Variants in AKT3 observed in about 807,000 individuals in gnomAD.
The protein encoded by AKT3 is AKT serine/threonine kinase 3, also known as RAC-gamma serine/threonine-protein kinase.
A neutral mutation model predicts 65.3 loss-of-function variants in AKT3; 15 were observed. The observed-to-expected ratio is 0.23, with a 90% CI of 0.15 to 0.35. AKT3 has a LOEUF of 0.35. AKT3 is among the 10% of genes least tolerant of loss of function. AKT3 has a pLI of 1.00. For missense variants in AKT3, 243 were observed against 576.5 expected (o/e 0.42, Z 5.92); for synonymous variants, 206 against 183.8 (o/e 1.12, Z -0.98).
chr1:243,539,907 C>T (rs1672195915), intron 12 of AKT3, among the ~76,000 whole-genome samples: 1 of 152,134 alleles, frequency 6.6e-6, no homozygotes, highest in South Asian at 2.1e-4. Context: ...CAGATAACCA[C>T]AACAGCCCTG....
intron 2 of AKT3, among the ~76,000 whole-genome samples, chr1:243,785,756 A>C (rs989948762): frequency 1.3e-5 from 2 of 152,208 alleles, no homozygotes; most frequent in Admixed American, 1.3e-4. Context: ...CACAGCCATC[A>C]AATTCCTGGA....
chr1:243,653,400 T>G (rs920143690), intron 4 of AKT3, among the ~76,000 whole-genome samples: 2 of 152,154 alleles, frequency 1.3e-5, no homozygotes, highest in African/African-American at 4.8e-5. Context: ...GATTCACAGC[T>G]GAATTCTACC....
chr1:243,686,938 T>C (rs985590437), intron 3 of AKT3, among the ~76,000 whole-genome samples: 8 of 151,772 alleles, frequency 5.3e-5, no homozygotes, highest in African/African-American at 7.3e-5. Flanking sequence ...GTTCTGGGAT[T>C]ACAGGCGTGA....
At chr1:243,773,480 T>A (rs1690329380) in intron 2 of AKT3, among the ~76,000 whole-genome samples, 3 of 151,992 alleles carry the variant, frequency 2.0e-5, no homozygotes. Context: ...CTTATAAAAC[T>A]TGAATAAGCT....
chr1:243,613,076 T>TATACACAC lies in AKT3; in HGVS notation c.696+594_696+595insGTGTGTAT, dbSNP rs1553415157. The TATACACAC allele has an allele frequency of 3.4e-5, 3 of 89,548 alleles. No individual in the cohort carries two copies. The Admixed American group carries it at 3.6e-4, about 11-fold the overall frequency. The allele number at this position is 89,548 out of a possible 1,614,324, so 5.5% of individuals were successfully genotyped here. Reference sequence around the variant, plus strand: ...AAAAAATTATATATATATATATATATACACACACACACACACACACACACA... The same window carrying TATACACAC: ...AAAAAATTATATATATATATATATATATACACACACACACACACACACACACACACACA... On this transcript the variant is annotated intron_variant, in intron 8 of 13. Transcript: ENST00000673466.
intron 2 of AKT3, among the ~76,000 whole-genome samples, chr1:243,785,982 G>GC (rs1486680771): frequency 2.0e-5 from 3 of 152,210 alleles, no homozygotes; most frequent in African/African-American, 7.2e-5. Context: ...AAGATACTCT[G>GC]CAAGTGAGAA....
At chr1:243,600,749 C>A (rs904164989) in intron 8 of AKT3, among the ~76,000 whole-genome samples, 2 of 152,080 alleles carry the variant, frequency 1.3e-5, no homozygotes, top group African/African-American at 4.8e-5. Flanking sequence ...CCTGCCACCA[C>A]CCAACAGGTC....
At chr1:243,669,964 T>C (rs1477136652) in intron 3 of AKT3, among the ~76,000 whole-genome samples, 3 of 152,176 alleles carry the variant, frequency 2.0e-5, no homozygotes, top group Non-Finnish European at 2.9e-5. Context: ...GAAATGTCAG[T>C]TATGGGCCAA....
At chr1:243,657,947 C>T (rs555453579) in intron 4 of AKT3, among the ~76,000 whole-genome samples, 1 of 152,100 alleles carries the variant, frequency 6.6e-6, no homozygotes, top group East Asian at 1.9e-4. Flanking sequence ...AAAAGTGGAG[C>T]CTTATTTTAC....
At chr1:243,508,231 A>T (rs1408568726) in intron 13 of AKT3, among the ~76,000 whole-genome samples, 1 of 152,238 alleles carries the variant, frequency 6.6e-6, no homozygotes, top group Non-Finnish European at 1.5e-5. Flanking sequence ...GGATGTATCC[A>T]GGAACTGTCA....
Position 243,801,224 on chromosome 1 carries a change from T to TTGAA in AKT3, c.46+41897_46+41900dup, listed in dbSNP as rs548093831. On this transcript the variant is annotated intron_variant, in intron 2 of 13. Transcript: ENST00000673466. ...ATAATGAGTATTAAATAAACATTTC[T>TTGAA]TGAATGAATGAATGAATATTAAAAA... Among the ~76,000 whole-genome samples, 54 of 152,334 alleles carry TTGAA rather than the reference T, an allele frequency of 3.5e-4. No individual in the cohort carries two copies. In the East Asian group the frequency reaches 9.2e-3, roughly 26 times the overall value.
chr1:243,796,049 G>GAT, intron 2 of AKT3, among the ~76,000 whole-genome samples: 1 of 152,126 alleles, frequency 6.6e-6, no homozygotes, highest in African/African-American at 2.4e-5. Context: ...ACTCTTGGGA[G>GAT]CTTCGGACAA....
At chr1:243,717,999 T>C (rs1302720380) in intron 2 of AKT3, among the ~76,000 whole-genome samples, 1 of 152,210 alleles carries the variant, frequency 6.6e-6, no homozygotes, top group Non-Finnish European at 1.5e-5. Context: ...ATTTCTATGA[T>C]TACACCCATT....
At chr1:243,642,640 T>G (rs768283211) in intron 5 of AKT3, among the ~76,000 whole-genome samples, 4 of 152,158 alleles carry the variant, frequency 2.6e-5, no homozygotes, top group Non-Finnish European at 5.9e-5. Flanking sequence ...TATAGGAGTA[T>G]GAATACTCTC....
intron 13 of AKT3, among the ~76,000 whole-genome samples, chr1:243,507,851 C>A (rs1473606696): frequency 6.6e-6 from 1 of 152,182 alleles, no homozygotes; most frequent in Non-Finnish European, 1.5e-5. Flanking sequence ...GGAGGACCAT[C>A]AATGGCGATA....
intron 10 of AKT3, among the ~76,000 whole-genome samples, chr1:243,554,813 A>G (rs1377602417): frequency 6.6e-6 from 1 of 152,102 alleles, no homozygotes; most frequent in African/African-American, 2.4e-5. Flanking sequence ...TAAAAAGCAT[A>G]AAAGCTGGAT....
At chr1:243,743,973 A>G (rs573631710) in intron 2 of AKT3, among the ~76,000 whole-genome samples, 1 of 152,370 alleles carries the variant, frequency 6.6e-6, no homozygotes, top group African/African-American at 2.4e-5. Flanking sequence ...GAACATATGC[A>G]CGTTCTATGA....
intron 10 of AKT3, among the ~76,000 whole-genome samples, chr1:243,554,566 T>G (rs1354246217): frequency 2.6e-5 from 4 of 152,342 alleles, no homozygotes; most frequent in South Asian, 2.1e-4. Context: ...AAATGCTGCA[T>G]GTATTATTTT....
intron 3 of AKT3, among the ~76,000 whole-genome samples, chr1:243,672,466 A>G (rs927528373): frequency 1.4e-4 from 21 of 152,228 alleles, no homozygotes; most frequent in African/African-American, 4.8e-4. Context: ...ATCTCTCTCC[A>G]CATAAGCAAA....
Sources: gnomAD v4.1 joint callset for allele counts (sites outside exome capture counted in the v4.1 genomes callset) on GRCh38, gnomAD v4.1.1 for gene constraint, MANE v1.5 for transcripts, NCBI Gene and HGNC (gene_info 2026-07-23, HGNC 2026-07-21) for gene names.